Variants in NAT10 observed in about 807,000 individuals in gnomAD.
NAT10 encodes the protein N-acetyltransferase 10, also known as RNA cytidine acetyltransferase.
Under a neutral mutation model 132.2 loss-of-function variants are expected in NAT10, and 109 were observed. The observed-to-expected ratio is 0.82, with a 90% CI of 0.71 to 0.97. The LOEUF is 0.97. NAT10 is among the 50% of genes least tolerant of loss of function. The probability of loss-of-function intolerance (pLI) is 0.00; values close to 1 mark genes in which losing one functional copy is unlikely to be tolerated. For missense variants in NAT10, 1,184 were observed against 1,263.4 expected (o/e 0.94, Z 0.95); for synonymous variants, 479 against 478.0 (o/e 1.00, Z -0.03).
intron 12 of NAT10, 87 bp from the exon 13 acceptor site, chr11:34,130,726 C>T: frequency 6.6e-7 from 1 of 1,506,492 alleles, no homozygotes; most frequent in Non-Finnish European, 9.1e-7. Flanking sequence ...TCTGGTGTTT[C>T]AGCAGGTGGA....
chr11:34,130,863 G>A lies in NAT10; in HGVS notation c.1295G>A (p.Arg432His), dbSNP rs543860297. Residue 432 changes from arginine to histidine, a missense_variant, in exon 13 of 29, where the codon CGT (arginine) becomes CAT (histidine). By Grantham distance (29) the Arg-to-His change is conservative. Coordinates refer to ENST00000257829, the MANE Select transcript of NAT10 (RefSeq NM_024662.3). Reference sequence around the variant, plus strand: ...TCCCTCAAGCTAATTCAGCAGCTCCGTCAACAGAGCGCCCAGAGCCAGGTC... The same window carrying A: ...TCCCTCAAGCTAATTCAGCAGCTCCATCAACAGAGCGCCCAGAGCCAGGTC... ...SLSLKLIQQL[R>H]QQSAQSQVST... The A allele has an allele frequency of 1.6e-5, 26 of 1,614,148 alleles. No homozygotes were observed. The East Asian group carries it at 2.7e-4, about 17-fold the overall frequency.
At chr11:34,138,016 C>G (rs943342564) in intron 21 of NAT10, among the ~76,000 whole-genome samples, 17 of 152,168 alleles carry the variant, frequency 1.1e-4, no homozygotes, top group Non-Finnish European at 2.2e-4. Flanking sequence ...GCGACTCTTT[C>G]AGGAAGCGAA....
intron 8 of NAT10, among the ~76,000 whole-genome samples, chr11:34,118,751 A>G (rs926588551): frequency 4.6e-5 from 7 of 151,950 alleles, no homozygotes; most frequent in Admixed American, 3.9e-4. Flanking sequence ...TATTATTATT[A>G]TTATTTTTTA....
chr11:34,117,166 AG>A (rs1300297100), intron 6 of NAT10, among the ~76,000 whole-genome samples: 1 of 150,590 alleles, frequency 6.6e-6, no homozygotes, highest in Non-Finnish European at 1.5e-5. Context: ...TTGCAGCAGC[AG>A]GGACCTGTTT....
intron 23 of NAT10, 33 bp downstream of exon 23, chr11:34,139,528 G>A: frequency 6.3e-7 from 1 of 1,582,376 alleles, no homozygotes; most frequent in Non-Finnish European, 8.7e-7. Context: ...GGAGGGTTGG[G>A]AATGGCTTGG....
chr11:34,107,526 T>A (rs1420389990), intron 1 of NAT10, among the ~76,000 whole-genome samples: 1 of 152,250 alleles, frequency 6.6e-6, no homozygotes, highest in Non-Finnish European at 1.5e-5. Context: ...GGTATTTCCT[T>A]CCAGTCTTTT....
intron 15 of NAT10, 31 bp downstream of exon 15, chr11:34,132,252 A>G (rs1190649313): frequency 6.5e-7 from 1 of 1,548,692 alleles, no homozygotes; most frequent in African/African-American, 1.4e-5. Flanking sequence ...TGTGAATGGT[A>G]GCAGGGAGCT....
chr11:34,130,781 T>G, intron 12 of NAT10, 32 bp from the exon 13 acceptor site: 1 of 1,613,004 alleles, frequency 6.2e-7, no homozygotes, highest in African/African-American at 1.3e-5. Context: ...ATTTGGGACC[T>G]TGTGCCTGAT....
At position 34,130,905 on chromosome 11, in the gene NAT10, A is replaced by C. The variant is rs1852092021; in HGVS notation, c.1337A>C (p.Asn446Thr). 1 of 1,614,082 alleles carries C rather than the reference A, an allele frequency of 6.2e-7. No homozygotes were observed. The highest frequency in any genetic ancestry group is 8.5e-7 in the Non-Finnish European group (1 of 1,180,018). ...AQSQVSTTAE[N>T]KTTTTARLAS... is the part of the protein sequence containing the mutation. ...AGCCAGGTCAGCACCACTGCTGAGA[A>C]TAAGACCACGACGACAGCCAGATTG... Residue 446 changes from asparagine to threonine, a missense_variant, in exon 13 of 29, where the codon AAT becomes ACT. Coordinates refer to ENST00000257829, the MANE Select transcript of NAT10 (RefSeq NM_024662.3).
In NAT10 at chr11:34,137,038, A is replaced by T; in HGVS notation, c.2211+12A>T. ...TGAGACAGACCCCGGTGAGTGAGGC[A>T]TCCAGCAGAGGAGAAGTTTAGGTTT... On this transcript the variant is annotated intron_variant, in intron 21 of 28. Transcript: ENST00000257829. 1 of 1,614,174 alleles carries T rather than the reference A, an allele frequency of 6.2e-7. No homozygotes were observed. The highest frequency in any genetic ancestry group is 8.5e-7 in the Non-Finnish European group (1 of 1,180,024).
At chr11:34,124,525 GTGT>G (rs1483349274) in intron 11 of NAT10, 125 bp downstream of exon 11, 3 of 618,594 alleles carry the variant, frequency 4.8e-6, no homozygotes, top group Non-Finnish European at 8.2e-6. Context: ...GACAATGGTG[GTGT>G]TGTATGCTAA....
intron 21 of NAT10, among the ~76,000 whole-genome samples, chr11:34,137,617 T>A (rs953428464): frequency 1.3e-5 from 2 of 152,264 alleles, no homozygotes. Flanking sequence ...TGTTCATTGC[T>A]GTATTCCTCG....
At chr11:34,131,805 C>G (rs142592813) in intron 14 of NAT10, among the ~76,000 whole-genome samples, 1 of 151,646 alleles carries the variant, frequency 6.6e-6, no homozygotes, top group African/African-American at 2.4e-5. Context: ...CCTGCCTCAG[C>G]CTCTTGAGTA....
Position 34,140,437 on chromosome 11 carries a change from C to T in NAT10, c.2457C>T (p.Pro819=). The T allele has an allele frequency of 1.2e-6, 2 of 1,614,162 alleles. No homozygotes were observed. Among genetic ancestry groups the T allele is most frequent in the Non-Finnish European group, 1.7e-6 (2 of 1,180,004 alleles). ...AGGAGCTGGAAGCACTCTTCCTCCC[C>T]TATGACCTGAAGCGGCTGGAGATGT... The part of the protein sequence containing the change: ...SREELEALFL[P]YDLKRLEMYS... Residue 819 remains proline, a synonymous_variant, in exon 24 of 29, where the codon CCC becomes CCT. Coordinates refer to ENST00000257829, the MANE Select transcript of NAT10 (RefSeq NM_024662.3).
At position 34,113,767 on chromosome 11, in the gene NAT10, G is replaced by A. The variant is rs1851739126; in HGVS notation, c.424G>A (p.Glu142Lys). ...NLLARTVETV[E>K]GGGLVVILLR... ...GCTGGCCAGGACTGTAGAAACAGTG[G>A]AAGGTGGTGGGCTAGTGGTCATCCT... Residue 142 changes from glutamate to lysine, a missense_variant, in exon 5 of 29, where the codon GAA (glutamate) becomes AAA (lysine). Coordinates refer to ENST00000257829, the MANE Select transcript of NAT10 (RefSeq NM_024662.3). 1.2e-6 allele frequency: 2 copies of A among 1,613,952 alleles called. No homozygotes were observed. The highest frequency in any genetic ancestry group is 2.7e-5 in the African/African-American group (2 of 74,902).
chr11:34,117,353 C>T (rs928229319), intron 6 of NAT10, among the ~76,000 whole-genome samples: 2 of 152,128 alleles, frequency 1.3e-5, no homozygotes, highest in South Asian at 2.1e-4. Flanking sequence ...ATGTTTTGAT[C>T]GTAATGACTT....
chr11:34,108,915 AT>A, intron 3 of NAT10, 82 bp downstream of exon 3: 4 of 1,282,498 alleles, frequency 3.1e-6, no homozygotes, highest in Admixed American at 2.2e-5. Context: ...TCCTTCACAT[AT>A]TTTTTAAGGG....
intron 8 of NAT10, among the ~76,000 whole-genome samples, chr11:34,120,043 G>A (rs1037578021): frequency 7.3e-5 from 11 of 151,204 alleles, no homozygotes; most frequent in African/African-American, 1.5e-4. Flanking sequence ...ACATAGGACC[G>A]TTTTAATTTG....
chr11:34,136,853 TGGTA>T, intron 20 of NAT10, 78 bp downstream of exon 20: 3 of 1,612,072 alleles, frequency 1.9e-6, no homozygotes, highest in Non-Finnish European at 2.5e-6. Context: ...GTGTCTCTGT[TGGTA>T]GCTGGTATCG....
Sources: gnomAD v4.1 joint callset for allele counts (sites outside exome capture counted in the v4.1 genomes callset) on GRCh38, gnomAD v4.1.1 for gene constraint, MANE v1.5 for transcripts, NCBI Gene and HGNC (gene_info 2026-07-23, HGNC 2026-07-21) for gene names.